The following RSRC1 variants were observed in gnomAD, a reference collection of about 807,000 sequenced individuals.
The protein encoded by RSRC1 is serine/Arginine-related protein 53.
Under a neutral mutation model 49.1 loss-of-function variants are expected in RSRC1, and 39 were observed. The observed-to-expected ratio is 0.79, with a 90% CI of 0.61 to 1.04. The LOEUF is 1.04. Ranked by LOEUF, RSRC1 falls within the 50% of genes least tolerant of loss-of-function variation. The pLI is 0.00. For synonymous variants in RSRC1, 143 were observed against 130.8 expected (o/e 1.09, Z -0.63); for missense variants, 388 against 402.4 (o/e 0.96, Z 0.31).
At chr3:158,435,219 AT>A (rs1285924280) in intron 6 of RSRC1, among the ~76,000 whole-genome samples, 7 of 151,590 alleles carry the variant, frequency 4.6e-5, no homozygotes, top group African/African-American at 9.7e-5. Flanking sequence ...AATCTCTTGC[AT>A]TTTTTTTAAT....
intron 3 of RSRC1, among the ~76,000 whole-genome samples, chr3:158,184,978 A>G (rs1405136531): frequency 6.6e-6 from 1 of 151,844 alleles, no homozygotes; most frequent in East Asian, 1.9e-4. Flanking sequence ...GTTGATTACA[A>G]AGCACATAGT....
intron 5 of RSRC1, among the ~76,000 whole-genome samples, chr3:158,351,886 C>T (rs1016383637): frequency 4.4e-4 from 62 of 140,944 alleles, no homozygotes; most frequent in African/African-American, 1.7e-3. Flanking sequence ...TGATATATAA[C>T]TATTATATAA....
At position 158,158,386 on chromosome 3, in the gene RSRC1, C is replaced by G. The variant is rs142608114; in HGVS notation, c.320+34395C>G. ...TGGTCATGCACTGGCGGTTGTGGAACTATTACTGTGTGTATACTGAGGGAT... is the reference window on the plus strand; with the variant it reads ...TGGTCATGCACTGGCGGTTGTGGAAGTATTACTGTGTGTATACTGAGGGAT... On this transcript the variant is annotated intron_variant, in intron 3 of 9. Coordinates refer to ENST00000611884, the MANE Select transcript of RSRC1 (RefSeq NM_001271838.2). 1.2e-3 allele frequency among the ~76,000 whole-genome samples: 189 copies of G among 152,192 alleles called. 2 individuals carry two copies. Among genetic ancestry groups the G allele is most frequent in the African/African-American group, 3.5e-3 (146 of 41,532 alleles).
intron 7 of RSRC1, among the ~76,000 whole-genome samples, chr3:158,484,131 G>A (rs1013903136): frequency 1.3e-5 from 2 of 152,042 alleles, no homozygotes; most frequent in Non-Finnish European, 2.9e-5. Context: ...GTTTCCCCTC[G>A]GTTTAGTACA....
chr3:158,202,565 T>TATATATATATATATATATATATATATAA (rs1721113295), intron 3 of RSRC1, among the ~76,000 whole-genome samples: 1 of 137,234 alleles, frequency 7.3e-6, no homozygotes, highest in Non-Finnish European at 1.5e-5. Flanking sequence ...TGGTAGATTA[T>TATATATATATATATATATATATATATAA]ATATATATAT....
At chr3:158,475,822 A>G (rs2108428648) in intron 7 of RSRC1, among the ~76,000 whole-genome samples, 2 of 152,216 alleles carry the variant, frequency 1.3e-5, no homozygotes, top group South Asian at 4.1e-4. Context: ...AGTGGCCTCT[A>G]AGTGTTCAAG....
intron 7 of RSRC1, among the ~76,000 whole-genome samples, chr3:158,511,182 T>C (rs1740151229): frequency 6.6e-6 from 1 of 152,104 alleles, no homozygotes; most frequent in Non-Finnish European, 1.5e-5. Context: ...TGTATACATG[T>C]GCCATGCTGG....
At chr3:158,506,650 C>T (rs1470304089) in intron 7 of RSRC1, among the ~76,000 whole-genome samples, 1 of 151,282 alleles carries the variant, frequency 6.6e-6, no homozygotes, top group African/African-American at 2.4e-5. Context: ...TTAAAATGGC[C>T]GTTACTGAAA....
intron 6 of RSRC1, among the ~76,000 whole-genome samples, chr3:158,427,837 T>C (rs1261515923): frequency 1.3e-5 from 2 of 151,832 alleles, no homozygotes; most frequent in Non-Finnish European, 2.9e-5. Context: ...CAGTATAACA[T>C]CAACCACTTG....
chr3:158,229,302 G>T (rs1000208130), intron 4 of RSRC1, among the ~76,000 whole-genome samples: 35 of 150,262 alleles, frequency 2.3e-4, no homozygotes, highest in Middle Eastern at 3.5e-3. Flanking sequence ...ACGTATATGT[G>T]TATGTATGTA....
chr3:158,334,088 T>C (rs1026041086), intron 5 of RSRC1, among the ~76,000 whole-genome samples: 4 of 152,166 alleles, frequency 2.6e-5, no homozygotes, highest in African/African-American at 9.7e-5. Context: ...CTAAAAAATG[T>C]GCTGATACTT....
intron 7 of RSRC1, among the ~76,000 whole-genome samples, chr3:158,521,832 A>G (rs377044446): frequency 2.6e-5 from 4 of 152,208 alleles, no homozygotes. Flanking sequence ...TAAAATATAT[A>G]ATCTCACTTC....
chr3:158,200,369 C>CTTAT (rs1057198994), intron 3 of RSRC1, among the ~76,000 whole-genome samples: 1 of 152,044 alleles, frequency 6.6e-6, no homozygotes, highest in African/African-American at 2.4e-5. Context: ...TCTGTGTCTG[C>CTTAT]TTATTTAAAG....
intron 6 of RSRC1, among the ~76,000 whole-genome samples, chr3:158,362,686 A>G (rs1317718845): frequency 6.6e-6 from 1 of 152,206 alleles, no homozygotes; most frequent in East Asian, 1.9e-4. Context: ...GAAAACAGGA[A>G]GTTTAGGTAA....
intron 5 of RSRC1, among the ~76,000 whole-genome samples, chr3:158,340,827 A>T (rs1730195709): frequency 6.6e-6 from 1 of 152,230 alleles, no homozygotes; most frequent in South Asian, 2.1e-4. Context: ...AATGTGGGAA[A>T]GTTTGGAACT....
intron 7 of RSRC1, among the ~76,000 whole-genome samples, chr3:158,490,017 A>G (rs952690656): frequency 4.7e-4 from 71 of 152,356 alleles, no homozygotes; most frequent in African/African-American, 1.5e-3. Context: ...ACTGGTTACA[A>G]TGTAAACAAA....
chr3:158,206,615 G>A (rs1354317235), intron 4 of RSRC1, among the ~76,000 whole-genome samples: 17 of 152,030 alleles, frequency 1.1e-4, no homozygotes, highest in Admixed American at 5.3e-4. Context: ...CACAGTGGAC[G>A]TAAAAAGATA....
chr3:158,389,699 T>G (rs1022813359), intron 6 of RSRC1, among the ~76,000 whole-genome samples: 2 of 152,216 alleles, frequency 1.3e-5, no homozygotes, highest in East Asian at 3.8e-4. Flanking sequence ...ACAGTTTTTT[T>G]TGTGTTTATG....
intron 7 of RSRC1, among the ~76,000 whole-genome samples, chr3:158,534,131 CAA>C (rs1487309491): frequency 6.6e-6 from 1 of 151,558 alleles, no homozygotes; most frequent in Non-Finnish European, 1.5e-5. Flanking sequence ...TTATTTCTCA[CAA>C]GAGAAAAGAC....
Sources: gnomAD v4.1 joint callset for allele counts (sites outside exome capture counted in the v4.1 genomes callset) on GRCh38, gnomAD v4.1.1 for gene constraint, MANE v1.5 for transcripts, NCBI Gene and HGNC (gene_info 2026-07-23, HGNC 2026-07-21) for gene names.